The following PPM1E variants were observed in gnomAD, a reference collection of about 807,000 sequenced individuals.
The protein encoded by PPM1E is protein phosphatase, Mg2+/Mn2+ dependent 1E.
In PPM1E, 20 loss-of-function variants were observed where a neutral mutation model predicts 65.9. The ratio of observed to expected loss-of-function variants is 0.30; its 90% CI spans 0.21 to 0.44. PPM1E has a LOEUF of 0.44. PPM1E is among the 20% of genes least tolerant of loss of function. The probability of loss-of-function intolerance (pLI) is 1.00; values close to 1 mark genes in which losing one functional copy is unlikely to be tolerated. For missense variants in PPM1E, 713 were observed against 953.1 expected (o/e 0.75, Z 3.32); for synonymous variants, 352 against 374.9 (o/e 0.94, Z 0.70).
chr17:58,908,650 G>A (rs1000979168), intron 1 of PPM1E, among the ~76,000 whole-genome samples: 1 of 151,044 alleles, frequency 6.6e-6, no homozygotes, highest in Non-Finnish European at 1.5e-5. Context: ...ATGTTGGCCA[G>A]GCTGGTCTTG....
intron 1 of PPM1E, among the ~76,000 whole-genome samples, chr17:58,789,596 T>C (rs1160701193): frequency 1.3e-5 from 2 of 152,180 alleles, no homozygotes; most frequent in African/African-American, 4.8e-5. Flanking sequence ...ATCAGAAGAA[T>C]CAGCTATGAT....
At chr17:58,891,083 G>T (rs2051338652) in intron 1 of PPM1E, among the ~76,000 whole-genome samples, 1 of 151,876 alleles carries the variant, frequency 6.6e-6, no homozygotes, top group Non-Finnish European at 1.5e-5. Context: ...TGATTCTCCT[G>T]CATCAGCCTC....
At chr17:58,878,096 AAG>A (rs1223427825) in intron 1 of PPM1E, among the ~76,000 whole-genome samples, 2 of 152,256 alleles carry the variant, frequency 1.3e-5, no homozygotes, top group Non-Finnish European at 2.9e-5. Flanking sequence ...TAACAAAAGA[AAG>A]AGTGGCTTTA....
intron 1 of PPM1E, among the ~76,000 whole-genome samples, chr17:58,806,206 A>T (rs2050312688): frequency 6.6e-6 from 1 of 152,010 alleles, no homozygotes; most frequent in Admixed American, 6.6e-5. Flanking sequence ...TGGAGTTTAT[A>T]GCAGCAAACC....
At chr17:58,773,519 C>G (rs1284908956) in intron 1 of PPM1E, among the ~76,000 whole-genome samples, 5 of 152,214 alleles carry the variant, frequency 3.3e-5, no homozygotes, top group South Asian at 2.1e-4. Flanking sequence ...TGAACTACCC[C>G]AGTATTGTAC....
intron 2 of PPM1E, among the ~76,000 whole-genome samples, chr17:58,959,402 A>G (rs1419829452): frequency 6.6e-6 from 1 of 151,048 alleles, no homozygotes; most frequent in African/African-American, 2.4e-5. Flanking sequence ...GATCGAGACC[A>G]TCCTGGCTAA....
chr17:58,804,125 A>G (rs1365793379), intron 1 of PPM1E, among the ~76,000 whole-genome samples: 1 of 151,992 alleles, frequency 6.6e-6, no homozygotes, highest in East Asian at 1.9e-4. Flanking sequence ...ACTGGGTCTC[A>G]CTATGTTGCC....
At chr17:58,959,553 C>G (rs1414891854) in intron 2 of PPM1E, among the ~76,000 whole-genome samples, 2 of 148,260 alleles carry the variant, frequency 1.3e-5, no homozygotes, top group East Asian at 4.0e-4. Context: ...GAGCTGAGAT[C>G]ACGCCACTGT....
Position 58,982,990 on chromosome 17 carries a change from T to C in PPM1E, c.*1959T>C. 2.4e-6 allele frequency: 3 copies of C among 1,259,830 alleles called. No individual in the cohort carries two copies. The highest frequency in any genetic ancestry group is 3.2e-6 in the Non-Finnish European group (3 of 925,482). 78.0% of individuals were successfully genotyped at this position (1,259,830 alleles called of 1,614,324 possible). A position where few individuals can be genotyped will look rare whatever the true frequency, so the allele number is the denominator to read the frequency against. ...TTATAGTCCAAAGTGCTTAGCGAAG[T>C]AAAAAAAAAAGCTTTTTAAAATTTC... On this transcript the variant is annotated 3_prime_UTR_variant, in exon 7 of 7. Transcript: ENST00000308249.
chr17:58,911,595 G>A (rs1029197523), intron 1 of PPM1E, among the ~76,000 whole-genome samples: 4 of 152,104 alleles, frequency 2.6e-5, no homozygotes. Flanking sequence ...AACACTAGAG[G>A]TTTATTTCTT....
At chr17:58,762,841 T>A (rs2049835487) in intron 1 of PPM1E, among the ~76,000 whole-genome samples, 1 of 143,842 alleles carries the variant, frequency 7.0e-6, no homozygotes, top group African/African-American at 2.6e-5. Context: ...GAGCTTGCAG[T>A]GAGCCGAGAT....
intron 1 of PPM1E, among the ~76,000 whole-genome samples, chr17:58,911,235 G>T (rs1163427658): frequency 3.9e-5 from 6 of 152,186 alleles, no homozygotes; most frequent in Non-Finnish European, 8.8e-5. Flanking sequence ...TGTTGGTTTT[G>T]CAGTTTGCTT....
At chr17:58,808,047 T>C (rs887139368) in intron 1 of PPM1E, among the ~76,000 whole-genome samples, 1 of 152,164 alleles carries the variant, frequency 6.6e-6, no homozygotes, top group African/African-American at 2.4e-5. Flanking sequence ...TAGCAGTGCG[T>C]ATGTGTGTTT....
intron 1 of PPM1E, among the ~76,000 whole-genome samples, chr17:58,946,417 G>A (rs1047990565): frequency 1.3e-5 from 2 of 152,002 alleles, no homozygotes; most frequent in Non-Finnish European, 2.9e-5. Context: ...ATAAGGATTC[G>A]TTACATATTT....
intron 1 of PPM1E, among the ~76,000 whole-genome samples, chr17:58,946,002 C>G (rs1464287771): frequency 6.6e-6 from 1 of 152,162 alleles, no homozygotes; most frequent in African/African-American, 2.4e-5. Flanking sequence ...TCTCCCATCT[C>G]TCTCCCTTCC....
chr17:58,943,638 G>A (rs897932091), intron 1 of PPM1E, among the ~76,000 whole-genome samples: 4 of 151,972 alleles, frequency 2.6e-5, no homozygotes, highest in South Asian at 4.2e-4. Context: ...TCCCAGACCC[G>A]CAGCATGAGT....
chr17:58,793,541 A>G (rs1272435324), intron 1 of PPM1E, among the ~76,000 whole-genome samples: 2 of 151,268 alleles, frequency 1.3e-5, no homozygotes, highest in Admixed American at 6.6e-5. Context: ...TATTTTTAGT[A>G]GAGATGGGGT....
chr17:58,770,567 C>A (rs1221881547), intron 1 of PPM1E, among the ~76,000 whole-genome samples: 1 of 151,988 alleles, frequency 6.6e-6, no homozygotes, highest in Non-Finnish European at 1.5e-5. Context: ...TATTGATTAT[C>A]AAATATAAAA....
intron 1 of PPM1E, among the ~76,000 whole-genome samples, chr17:58,809,216 G>T (rs1483398592): frequency 1.3e-5 from 2 of 152,016 alleles, no homozygotes; most frequent in African/African-American, 4.8e-5. Flanking sequence ...TTCCTGAGTA[G>T]CTAGAACTAC....
Sources: gnomAD v4.1 joint callset for allele counts (sites outside exome capture counted in the v4.1 genomes callset) on GRCh38, gnomAD v4.1.1 for gene constraint, MANE v1.5 for transcripts, NCBI Gene and HGNC (gene_info 2026-07-23, HGNC 2026-07-21) for gene names.